MYCBP2: variants seen among roughly 807,000 people sequenced by gnomAD.
MYCBP2 encodes the protein MYC binding protein 2.
Under a neutral mutation model 525.3 loss-of-function variants are expected in MYCBP2, and 120 were observed. The observed-to-expected ratio is 0.23, with a 90% CI of 0.20 to 0.27. The LOEUF is 0.27. Ranked by LOEUF, MYCBP2 falls within the 10% of genes least tolerant of loss-of-function variation. The pLI is 1.00. For missense variants in MYCBP2, 4,149 were observed against 5,657.1 expected, an observed-to-expected ratio of 0.73 and a Z score of 8.55; for synonymous variants, 1,894 against 1,955.8, an observed-to-expected ratio of 0.97 and a Z score of 0.83.
chr13:77,071,700 A>G (rs1056954181), intron 68 of MYCBP2, among the ~76,000 whole-genome samples: 11 of 152,210 alleles, frequency 7.2e-5, no homozygotes, highest in African/African-American at 2.7e-4. Flanking sequence ...GCTCTTAAAG[A>G]CTTGAATATT....
rs779434754 is a variant in MYCBP2 at position 77,098,072 on chromosome 13, C to T, written c.9082G>A (p.Ala3028Thr). 7.4e-6 allele frequency: 12 copies of T among 1,613,338 alleles called. No homozygotes were observed. Among genetic ancestry groups the T allele is most frequent in the Non-Finnish European group, 1.0e-5 (12 of 1,179,706 alleles). Residue 3028 changes from alanine to threonine, a missense_variant, in exon 56 of 83, where the codon GCC becomes ACC. Around this residue, in one of 21 missense-constraint regions of MYCBP2, gnomAD observed 653 missense variants for 744.7 expected, o/e 0.88. Coordinates refer to ENST00000544440, the MANE Select transcript of MYCBP2 (RefSeq NM_015057.5). ...GCAAACACAGCTCTGGCACATTCGG[C>T]CACAGAAGGAGACATGGCTTGCTTG... ...PAKQAMSPSV[A>T]ECARAVFASF...
intron 2 of MYCBP2, among the ~76,000 whole-genome samples, chr13:77,292,472 C>T (rs1402398891): frequency 6.6e-6 from 1 of 151,600 alleles, no homozygotes; most frequent in Non-Finnish European, 1.5e-5. Flanking sequence ...ATGGAATGAA[C>T]TATTGATATA....
intron 1 of MYCBP2, among the ~76,000 whole-genome samples, chr13:77,308,172 C>T (rs1476911670): frequency 6.6e-6 from 1 of 151,924 alleles, no homozygotes; most frequent in African/African-American, 2.4e-5. Flanking sequence ...CTTCAAAATC[C>T]CTCCCCTACC....
intron 4 of MYCBP2, 33 bp from the exon 5 acceptor site, chr13:77,273,701 C>A (rs751981003): frequency 7.1e-7 from 1 of 1,410,226 alleles, no homozygotes; most frequent in Non-Finnish European, 9.4e-7. Flanking sequence ...TTATATTCAT[C>A]CAACATACGG....
intron 55 of MYCBP2, chr13:77,118,333 G>T: frequency 1.3e-6 from 1 of 754,602 alleles, no homozygotes; most frequent in Admixed American, 1.7e-5. Context: ...AAGGCTGACA[G>T]ACTTACTCTG....
At chr13:77,070,594 A>ACAC (rs1555305166) in intron 69 of MYCBP2, 37 bp downstream of exon 69, 1 of 1,450,162 alleles carries the variant, frequency 6.9e-7, no homozygotes, top group Non-Finnish European at 9.7e-7. Context: ...ACACACACAC[A>ACAC]AAACTAATGA....
intron 26 of MYCBP2, among the ~76,000 whole-genome samples, chr13:77,199,739 C>T (rs1367026177): frequency 1.3e-5 from 2 of 152,194 alleles, no homozygotes; most frequent in Non-Finnish European, 2.9e-5. Context: ...TGACCCCTGA[C>T]CCTCCAGCAG....
chr13:77,089,008 G>A lies in MYCBP2; in HGVS notation c.10549C>T (p.His3517Tyr), dbSNP rs1482592682. The A allele has an allele frequency of 3.1e-6, 5 of 1,612,096 alleles. No individual in the cohort carries two copies. Among genetic ancestry groups the A allele is most frequent in the Non-Finnish European group, 4.2e-6 (5 of 1,179,026 alleles). The change falls in exon 61 of 83, where the codon CAT (histidine) becomes TAT (tyrosine). Residue 3517 changes from histidine to tyrosine, a missense_variant. Physicochemically the swap from His to Tyr is moderately conservative, Grantham distance 83. Coordinates refer to ENST00000544440, the MANE Select transcript of MYCBP2 (RefSeq NM_015057.5). ...AGCCGAGAAAGCTCAGGAGACGGATGTCTCAAAAGGGAAGAACCAACTTCT... is the reference window on the plus strand; with the variant it reads ...AGCCGAGAAAGCTCAGGAGACGGATATCTCAAAAGGGAAGAACCAACTTCT... ...DTEVGSSLLR[H>Y]PSPELSRLIS...
intron 20 of MYCBP2, 48 bp downstream of exon 20, chr13:77,224,403 C>A (rs1007587200): frequency 1.7e-6 from 2 of 1,163,704 alleles, no homozygotes; most frequent in Non-Finnish European, 2.5e-6. Context: ...GAAAAGAAAA[C>A]AGAAGAAAAA....
At chr13:77,214,275 T>C (rs1169447868) in intron 21 of MYCBP2, among the ~76,000 whole-genome samples, 1 of 152,192 alleles carries the variant, frequency 6.6e-6, no homozygotes, top group Non-Finnish European at 1.5e-5. Context: ...CAAAACTACA[T>C]AGGCATTAAC....
chr13:77,276,816 GTTTTTTTT>G (rs397851660), intron 4 of MYCBP2, among the ~76,000 whole-genome samples: 2 of 76,234 alleles, frequency 2.6e-5, no homozygotes, highest in Admixed American at 1.8e-4. Flanking sequence ...TCCATGCCCA[GTTTTTTTT>G]TTTTTTTTTT....
In MYCBP2 at chr13:77,140,923, C is replaced by T. The variant is rs754707142; in HGVS notation, c.7324G>A (p.Val2442Ile). The T allele has an allele frequency of 6.2e-6, 10 of 1,610,038 alleles. No individual in the cohort carries two copies. The highest frequency in any genetic ancestry group is 6.8e-6 in the Non-Finnish European group (8 of 1,179,040). Reference protein sequence around the residue: ...IEIDAGLEVKVKDPPKGMIPP... With the variant: ...IEIDAGLEVKIKDPPKGMIPP... ...ATCATCCCTTTTGGTGGGTCTTTTA[C>T]TTTTACTTCCAGACCAGCATCTGTC... is the stretch of plus-strand genomic sequence containing the variant. Residue 2442 changes from valine to isoleucine, a missense_variant, in exon 50 of 83, where the codon GTA becomes ATA. This residue lies in a region of MYCBP2 where 692 missense variants were observed against 852.7 expected (regional missense o/e 0.81). Transcript: ENST00000544440.
rs745890025 is a variant in MYCBP2 at position 77,273,464 on chromosome 13, T to G, written c.945+8A>C. Reference sequence around the variant, plus strand: ...ATAAACTTCTAAGCAGATATAAATATGAAATACCTGAATAGTTTGGCAAGC... The same window carrying G: ...ATAAACTTCTAAGCAGATATAAATAGGAAATACCTGAATAGTTTGGCAAGC... On this transcript the variant is annotated splice_region_variant and intron_variant, in intron 5 of 82. Transcript: ENST00000544440. 6.4e-7 allele frequency: 1 copy of G among 1,562,918 alleles called. No homozygotes were observed. The highest frequency in any genetic ancestry group is 8.6e-7 in the Non-Finnish European group (1 of 1,161,530).
chr13:77,129,886 A>G (rs1169301218), intron 52 of MYCBP2, among the ~76,000 whole-genome samples: 1 of 151,952 alleles, frequency 6.6e-6, no homozygotes, highest in African/African-American at 2.4e-5. Context: ...ATAAAAATGT[A>G]ATCAATTTTA....
At chr13:77,126,237 G>A in intron 53 of MYCBP2, 81 bp downstream of exon 53, 2 of 1,192,146 alleles carry the variant, frequency 1.7e-6, no homozygotes, top group Non-Finnish European at 2.4e-6. Flanking sequence ...GGTAGAAATG[G>A]CAACCTTTAG....
At chr13:77,177,334 CTTTTT>C (rs748460042) in intron 35 of MYCBP2, among the ~76,000 whole-genome samples, 1 of 122,890 alleles carries the variant, frequency 8.1e-6, no homozygotes, top group Non-Finnish European at 1.7e-5. Flanking sequence ...TCTTTTCTTT[CTTTTT>C]TTTTTTTTTT....
chr13:77,145,590 T>G (rs2055402812), intron 48 of MYCBP2, among the ~76,000 whole-genome samples: 1 of 152,202 alleles, frequency 6.6e-6, no homozygotes, highest in African/African-American at 2.4e-5. Context: ...TATCTCAGAT[T>G]CACTTCAGAG....
At chr13:77,255,873 C>T (rs1340962822) in intron 14 of MYCBP2, among the ~76,000 whole-genome samples, 1 of 151,864 alleles carries the variant, frequency 6.6e-6, no homozygotes, top group African/African-American at 2.4e-5. Flanking sequence ...GGTACTTTAA[C>T]CAAAGTTCAA....
intron 61 of MYCBP2, 35 bp downstream of exon 61, chr13:77,088,797 T>A (rs368660041): frequency 3.0e-5 from 46 of 1,538,646 alleles, no homozygotes; most frequent in Middle Eastern, 1.7e-4. Flanking sequence ...ATTTGTATAA[T>A]CAATGAATCA....
Sources: allele counts gnomAD v4.1 joint callset (sites outside exome capture counted in the v4.1 genomes callset), GRCh38; gene constraint gnomAD v4.1.1; regional missense constraint gnomAD v4.1.1; transcripts MANE v1.5; gene names NCBI Gene and HGNC (gene_info 2026-07-23, HGNC 2026-07-21).